The following FGF12 variants were observed in gnomAD, a reference collection of about 807,000 sequenced individuals.
FGF12 encodes fibroblast growth factor 12.
Under a neutral mutation model 23.6 loss-of-function variants are expected in FGF12, and 14 were observed. The observed-to-expected ratio is 0.59, with a 90% CI of 0.39 to 0.93. FGF12 has a LOEUF of 0.93. Among genes scored for constraint, FGF12 ranks in the 40% least tolerant of loss-of-function variants. FGF12 has a pLI of 0.00. For missense variants in FGF12, 175 were observed against 217.8 expected (o/e 0.80, Z 1.24); for synonymous variants, 62 against 77.3 (o/e 0.80, Z 1.04).
intron 4 of FGF12, among the ~76,000 whole-genome samples, chr3:192,325,469 A>G (rs931282932): frequency 1.3e-5 from 2 of 152,158 alleles, no homozygotes; most frequent in African/African-American, 4.8e-5. Flanking sequence ...TTCATTTGAC[A>G]TTAATAGTTA....
rs1169824566 is a variant in FGF12 at position 192,315,748 on chromosome 3, A to C, written c.228+19613T>G. ...TAATAAAGACAGGAGATCTTTTGGAAATCAGGGTGAACTGATTTCCTACAG... is the reference window on the plus strand; with the variant it reads ...TAATAAAGACAGGAGATCTTTTGGACATCAGGGTGAACTGATTTCCTACAG... On this transcript the variant is annotated intron_variant, in intron 4 of 5. Transcript: ENST00000445105. Among the ~76,000 whole-genome samples the C allele has an allele frequency of 3.3e-5, 5 of 151,008 alleles. No individual in the cohort carries two copies. In the South Asian group the frequency reaches 8.3e-4, roughly 25 times the overall value.
At chr3:192,595,445 C>G (rs1051518241) in intron 2 of FGF12, among the ~76,000 whole-genome samples, 1 of 152,176 alleles carries the variant, frequency 6.6e-6, no homozygotes, top group Non-Finnish European at 1.5e-5. Flanking sequence ...TCCTTCTTGG[C>G]CTCGGTGAGC....
At chr3:192,697,526 A>AT (rs1718163079) in intron 2 of FGF12, among the ~76,000 whole-genome samples, 1 of 152,186 alleles carries the variant, frequency 6.6e-6, no homozygotes, top group Non-Finnish European at 1.5e-5. Flanking sequence ...TCAACCTGGC[A>AT]GAAGGCTCAA....
At chr3:192,453,532 T>A (rs551755859) in intron 2 of FGF12, among the ~76,000 whole-genome samples, 1 of 152,176 alleles carries the variant, frequency 6.6e-6, no homozygotes, top group Non-Finnish European at 1.5e-5. Flanking sequence ...ATTCTGAGGA[T>A]CTATTTGTCT....
chr3:192,380,384 C>T (rs946697988), intron 2 of FGF12, among the ~76,000 whole-genome samples: 1 of 152,040 alleles, frequency 6.6e-6, no homozygotes, highest in Admixed American at 6.6e-5. Flanking sequence ...GAAAAATTTC[C>T]AGGCTTATTT....
rs988693017 is a variant in FGF12, at chr3:192,392,465, G to A, written c.14-31927C>T. ...AATAAATAAAGCTGGGCATGGTGGC[G>A]CATGCCTGTAATCCCAGCTACTGGG... On this transcript the variant is annotated intron_variant, in intron 2 of 5. Coordinates refer to ENST00000445105, the MANE Select transcript of FGF12 (RefSeq NM_004113.6). 1.7e-4 allele frequency among the ~76,000 whole-genome samples: 26 copies of A among 150,578 alleles called. No individual in the cohort carries two copies. In the East Asian group the frequency reaches 2.9e-3, roughly 17 times the overall value.
intron 2 of FGF12, among the ~76,000 whole-genome samples, chr3:192,385,562 C>T (rs1363209621): frequency 2.6e-5 from 4 of 152,122 alleles, no homozygotes; most frequent in African/African-American, 7.2e-5. Context: ...GAATTCACCC[C>T]CCCCAGCTCA....
In FGF12 at chr3:192,727,237, G is replaced by A. The variant is rs1051576701; in HGVS notation, c.-44C>T. 5.1e-6 allele frequency: 8 copies of A among 1,566,986 alleles called. No homozygotes were observed. In the Middle Eastern group the frequency reaches 5.0e-4, roughly 97 times the overall value. On this transcript the variant is annotated 5_prime_UTR_variant, in exon 2 of 6. Transcript: ENST00000445105. The stretch of plus-strand genomic sequence containing the variant: ...CTGGGAAGTTCAATGGAAGTTGGCC[G>A]GAAGATGTGGGCCCGCTTCAGATTC...
At chr3:192,504,567 A>T (rs1439989327) in intron 2 of FGF12, among the ~76,000 whole-genome samples, 1 of 152,094 alleles carries the variant, frequency 6.6e-6, no homozygotes, top group Non-Finnish European at 1.5e-5. Flanking sequence ...ATCGGGGGGA[A>T]ATTGAACACG....
chr3:192,465,686 C>A (rs771615345), intron 2 of FGF12, among the ~76,000 whole-genome samples: 1 of 152,192 alleles, frequency 6.6e-6, no homozygotes, highest in Non-Finnish European at 1.5e-5. Flanking sequence ...GCAGAGGGTG[C>A]CTACGTGACT....
intron 4 of FGF12, among the ~76,000 whole-genome samples, chr3:192,251,332 T>C (rs1183847843): frequency 6.6e-6 from 1 of 152,198 alleles, no homozygotes; most frequent in African/African-American, 2.4e-5. Flanking sequence ...GCTTTAGTCA[T>C]GCTGTGTATT....
intron 2 of FGF12, among the ~76,000 whole-genome samples, chr3:192,713,746 C>A (rs1057117310): frequency 6.6e-6 from 1 of 152,164 alleles, no homozygotes; most frequent in Admixed American, 6.5e-5. Flanking sequence ...GTTCATAAAT[C>A]TTTTACCAAT....
intron 2 of FGF12, among the ~76,000 whole-genome samples, chr3:192,589,003 G>C (rs940430701): frequency 1.3e-5 from 2 of 151,882 alleles, no homozygotes; most frequent in African/African-American, 4.8e-5. Flanking sequence ...GCTAGAAACT[G>C]TATCAGCATG....
intron 2 of FGF12, among the ~76,000 whole-genome samples, chr3:192,646,228 C>CAATA (rs1414970133): frequency 2.0e-5 from 3 of 151,640 alleles, no homozygotes. Flanking sequence ...ATCAATCAAT[C>CAATA]AATCAATCAT....
intron 2 of FGF12, among the ~76,000 whole-genome samples, chr3:192,412,793 G>A (rs937991203): frequency 5.3e-5 from 8 of 152,086 alleles, no homozygotes; most frequent in East Asian, 3.8e-4. Context: ...ACAGTTACTC[G>A]TACATTTCCA....
chr3:192,305,815 T>TAAGATAGC (rs1305513424), intron 4 of FGF12, among the ~76,000 whole-genome samples: 1 of 148,010 alleles, frequency 6.8e-6, no homozygotes, highest in Non-Finnish European at 1.5e-5. Context: ...TCTATTTTTC[T>TAAGATAGC]AAGATAGCAA....
At chr3:192,283,112 C>T (rs1714245724) in intron 4 of FGF12, 1 of 151,870 alleles carries the variant, frequency 6.6e-6, no homozygotes, top group African/African-American at 2.4e-5. Context: ...TGTAAAGGTA[C>T]AACAGGTATG....
intron 2 of FGF12, among the ~76,000 whole-genome samples, chr3:192,591,371 A>G (rs1008872217): frequency 6.6e-6 from 1 of 151,804 alleles, no homozygotes; most frequent in Non-Finnish European, 1.5e-5. Context: ...CTCGGCTCCC[A>G]GTTTTAATGC....
At chr3:192,424,305 A>G (rs1721626109) in intron 2 of FGF12, among the ~76,000 whole-genome samples, 1 of 152,182 alleles carries the variant, frequency 6.6e-6, no homozygotes, top group African/African-American at 2.4e-5. Flanking sequence ...TCATCAAAAT[A>G]CAGAATTATT....
Sources: gnomAD v4.1 joint callset for allele counts (sites outside exome capture counted in the v4.1 genomes callset) on GRCh38, gnomAD v4.1.1 for gene constraint, MANE v1.5 for transcripts, NCBI Gene and HGNC (gene_info 2026-07-23, HGNC 2026-07-21) for gene names.